Variants in PRKCZ observed in about 807,000 individuals in gnomAD.
PRKCZ encodes protein kinase C zeta type.
In PRKCZ, 33 loss-of-function variants were observed where a neutral mutation model predicts 79.5. The ratio of observed to expected loss-of-function variants is 0.41; its 90% CI spans 0.31 to 0.55. The LOEUF is 0.55. PRKCZ is among the 20% of genes least tolerant of loss of function. PRKCZ has a pLI of 0.19. For synonymous variants in PRKCZ, 342 were observed against 320.9 expected, an observed-to-expected ratio of 1.07 and a Z score of -0.70; for missense variants, 578 against 813.5, an observed-to-expected ratio of 0.71 and a Z score of 3.52.
chr1:2,145,835 G>A (rs550886217), intron 6 of PRKCZ, among the ~76,000 whole-genome samples, 192 bp from the exon 7 acceptor site: 5 of 152,298 alleles, frequency 3.3e-5, no homozygotes, highest in South Asian at 4.1e-4. Context: ...AGGATTGCTC[G>A]AGCTCAGGAG....
intron 10 of PRKCZ, among the ~76,000 whole-genome samples, chr1:2,158,914 A>G (rs528875604): frequency 3.3e-5 from 5 of 150,530 alleles, no homozygotes; most frequent in African/African-American, 1.2e-4. Context: ...ATTCCTATGC[A>G]TGTCTGATTT....
chr1:2,095,735 TTCCGCTCCCC>T (rs2102529887), intron 4 of PRKCZ, among the ~76,000 whole-genome samples: 2 of 109,218 alleles, frequency 1.8e-5, no homozygotes, highest in East Asian at 6.2e-4. Flanking sequence ...CTCCCCACCT[TTCCGCTCCCC>T]TCCTCTCCCC....
intron 4 of PRKCZ, among the ~76,000 whole-genome samples, chr1:2,118,036 G>A (rs909292475): frequency 1.1e-4 from 12 of 108,004 alleles, no homozygotes; most frequent in African/African-American, 4.4e-4. Flanking sequence ...CTGTCACCCA[G>A]GCTGGAGTGG....
Position 2,172,812 on chromosome 1 carries a change from G to A in PRKCZ, c.1285+424G>A, listed in dbSNP as rs1684690328. Among the ~76,000 whole-genome samples the A allele has an allele frequency of 6.6e-6, 1 of 152,252 alleles. No individual in the cohort carries two copies. Among genetic ancestry groups the A allele is most frequent in the Non-Finnish European group, 1.5e-5 (1 of 68,046 alleles). On this transcript the variant is annotated intron_variant, in intron 13 of 17. Transcript: ENST00000378567. The surrounding 1 kb of genome is among the most constrained non-coding windows in gnomAD (Gnocchi z 7.8). ...CTGAGGACGCCGTGCACACCAGAGTGTTTCTGCTCCTCTCCCCTCTCTGGG... is the reference window on the plus strand; with the variant it reads ...CTGAGGACGCCGTGCACACCAGAGTATTTCTGCTCCTCTCCCCTCTCTGGG...
At position 2,149,366 on chromosome 1, in the gene PRKCZ, C is replaced by T. The variant is rs925549503; in HGVS notation, c.687+442C>T. Among the ~76,000 whole-genome samples the T allele has an allele frequency of 6.6e-6, 1 of 152,234 alleles. No individual in the cohort carries two copies. Among genetic ancestry groups the T allele is most frequent in the Non-Finnish European group, 1.5e-5 (1 of 68,036 alleles). ...AGCCAAGAGGCTCAACTGAGCCTCA[C>T]GTCTGTGGCCAGCTCTGCACCATAA... On this transcript the variant is annotated intron_variant, in intron 8 of 17. Coordinates refer to ENST00000378567, the MANE Select transcript of PRKCZ (RefSeq NM_002744.6). The surrounding 1 kb of genome is among the most constrained non-coding windows in gnomAD (Gnocchi z 4.1).
At chr1:2,141,888 A>G (rs1571766980) in intron 5 of PRKCZ, 2 of 327,906 alleles carry the variant, frequency 6.1e-6, no homozygotes, top group Non-Finnish European at 1.2e-5. Context: ...CTTTCACTCC[A>G]GGGTCCAGGC....
Position 2,177,213 on chromosome 1 carries a change from G to C in PRKCZ, c.1575+1900G>C, listed in dbSNP as rs1048272206. 1.3e-5 allele frequency among the ~76,000 whole-genome samples: 2 copies of C among 152,112 alleles called. No homozygotes were observed. The highest frequency in any genetic ancestry group is 4.8e-5 in the African/African-American group (2 of 41,404). The stretch of plus-strand genomic sequence containing the variant: ...GGCATCCCCTTGTCTCTGGCCCACA[G>C]AACCCCTCCGGTCCACACACACACT... On this transcript the variant is annotated intron_variant, in intron 16 of 17. Coordinates refer to ENST00000378567, the MANE Select transcript of PRKCZ (RefSeq NM_002744.6). The surrounding 1 kb of genome is among the most constrained non-coding windows in gnomAD (Gnocchi z 6.4).
chr1:2,108,158 G>T (rs533973152), intron 4 of PRKCZ, among the ~76,000 whole-genome samples: 2 of 152,226 alleles, frequency 1.3e-5, no homozygotes, highest in African/African-American at 2.4e-5. Context: ...GGTAAATGCC[G>T]CACTCGAGTA....
intron 16 of PRKCZ, among the ~76,000 whole-genome samples, chr1:2,180,206 G>A (rs925535686): frequency 6.6e-6 from 1 of 152,218 alleles, no homozygotes; most frequent in East Asian, 1.9e-4. Flanking sequence ...CCCATGCTGC[G>A]TGGCACAGGG....
At chr1:2,060,122 C>T (rs1334886278) in intron 4 of PRKCZ, among the ~76,000 whole-genome samples, 2 of 152,336 alleles carry the variant, frequency 1.3e-5, no homozygotes, top group African/African-American at 2.4e-5. Context: ...ACGCTGCTCT[C>T]GGGCCGCGCA....
At chr1:2,146,002 T>C (rs370001456) in intron 6 of PRKCZ, 25 bp from the exon 7 acceptor site, 2 of 1,586,558 alleles carry the variant, frequency 1.3e-6, no homozygotes, top group Non-Finnish European at 1.7e-6. Context: ...TTGGTCATGC[T>C]GCCATCTCTG....
intron 3 of PRKCZ, 37 bp downstream of exon 3, chr1:2,056,610 G>T (rs930386091): frequency 2.6e-6 from 4 of 1,555,772 alleles, no homozygotes; most frequent in Admixed American, 1.7e-5. Flanking sequence ...GCTCTGGGGG[G>T]CTGTTCCTGG....
chr1:2,156,233 T>G, intron 10 of PRKCZ, 141 bp downstream of exon 10: 1 of 674,776 alleles, frequency 1.5e-6, no homozygotes, highest in Non-Finnish European at 2.6e-6. Flanking sequence ...CAGCAGACTC[T>G]CTTTGTTGTT....
At chr1:2,115,480 C>T (rs1670578151) in intron 4 of PRKCZ, among the ~76,000 whole-genome samples, 1 of 152,230 alleles carries the variant, frequency 6.6e-6, no homozygotes, top group African/African-American at 2.4e-5. Context: ...GCACCCACAG[C>T]CACTCTGGCG....
intron 10 of PRKCZ, chr1:2,156,771 C>G (rs1045003592): frequency 6.6e-6 from 1 of 152,330 alleles, no homozygotes; most frequent in African/African-American, 2.4e-5. Flanking sequence ...CCCAGTTCCT[C>G]CAGCAATGAA....
intron 4 of PRKCZ, among the ~76,000 whole-genome samples, chr1:2,105,159 G>A (rs1668156960): frequency 6.6e-6 from 1 of 152,206 alleles, no homozygotes; most frequent in Admixed American, 6.5e-5. Flanking sequence ...CTGCGTCACG[G>A]CCATGCTGTT....
intron 10 of PRKCZ, among the ~76,000 whole-genome samples, chr1:2,162,866 G>T (rs769771681): frequency 8.8e-4 from 134 of 152,202 alleles, no homozygotes; most frequent in Non-Finnish European, 2.9e-4. Flanking sequence ...GTAACTGTGG[G>T]CCCCATGGCT....
intron 4 of PRKCZ, among the ~76,000 whole-genome samples, chr1:2,100,947 G>A (rs1350484488): frequency 6.6e-6 from 1 of 151,116 alleles, no homozygotes; most frequent in East Asian, 1.9e-4. Flanking sequence ...TGGGGCTCCT[G>A]GCCAGTTCAT....
intron 4 of PRKCZ, among the ~76,000 whole-genome samples, chr1:2,089,265 G>T (rs1665069821): frequency 6.6e-6 from 1 of 152,204 alleles, no homozygotes; most frequent in African/African-American, 2.4e-5. Context: ...CTGTTTCTGG[G>T]GCCTGCATGG....
Sources: allele counts gnomAD v4.1 joint callset (sites outside exome capture counted in the v4.1 genomes callset), GRCh38; gene constraint gnomAD v4.1.1; non-coding constraint Gnocchi (gnomAD v3.1); transcripts MANE v1.5; gene names NCBI Gene and HGNC (gene_info 2026-07-23, HGNC 2026-07-21).